Variants in PSME3IP1 observed in about 807,000 individuals in gnomAD.
PSME3IP1 encodes the protein proteasome activator subunit 3 interacting protein 1, also known as PSME3-interacting protein.
Under a neutral mutation model 34.1 loss-of-function variants are expected in PSME3IP1, and 13 were observed. That is an observed-to-expected ratio of 0.38 (90% CI 0.25 to 0.61). PSME3IP1 has a LOEUF of 0.61. PSME3IP1 is among the 20% of genes least tolerant of loss of function. The probability of loss-of-function intolerance (pLI) is 0.60; values close to 1 mark genes in which losing one functional copy is unlikely to be tolerated. For missense variants in PSME3IP1, 237 were observed against 301.4 expected, an observed-to-expected ratio of 0.79 and a Z score of 1.58; for synonymous variants, 93 against 114.3, an observed-to-expected ratio of 0.81 and a Z score of 1.19.
At chr16:57,178,385 T>G (rs536825239) in intron 1 of PSME3IP1, 1 of 205,430 alleles carries the variant, frequency 4.9e-6, no homozygotes, top group Non-Finnish European at 8.6e-6. Context: ...ATAACTCTAC[T>G]ACAGCCCTTA....
At chr16:57,165,977 G>A (rs1331984976) in intron 5 of PSME3IP1, among the ~76,000 whole-genome samples, 17 of 151,904 alleles carry the variant, frequency 1.1e-4, no homozygotes, top group East Asian at 3.9e-4. Context: ...CAAATCCTGC[G>A]AGTCCCTAGT....
At chr16:57,177,689 A>G (rs1227033105) in intron 1 of PSME3IP1, among the ~76,000 whole-genome samples, 1 of 152,170 alleles carries the variant, frequency 6.6e-6, no homozygotes, top group Non-Finnish European at 1.5e-5. Flanking sequence ...ACTAATGCAC[A>G]CTTACAAAAG....
In PSME3IP1 at chr16:57,154,068, G is replaced by A. The variant is rs1336295171; in HGVS notation, c.*222C>T. The stretch of plus-strand genomic sequence containing the variant: ...CAATATCAGTGAGGAAAGTGGCAGC[G>A]GGACAGGTTTGGTCATCTGCAGTGG... On this transcript the variant is annotated 3_prime_UTR_variant, in exon 7 of 7. Coordinates refer to ENST00000309137, the MANE Select transcript of PSME3IP1 (RefSeq NM_024946.4). This position sits in a 1 kb window ranked among gnomAD's most constrained non-coding sequence, Gnocchi z 4.0. 1.0e-5 allele frequency: 5 copies of A among 499,588 alleles called. No individual in the cohort carries two copies. Among genetic ancestry groups the A allele is most frequent in the African/African-American group, 2.0e-5 (1 of 50,758 alleles). The allele number at this position is 499,588 out of a possible 1,614,324, so 30.9% of individuals were successfully genotyped here.
chr16:57,177,541 A>C (rs2073302509), intron 1 of PSME3IP1, among the ~76,000 whole-genome samples: 1 of 152,078 alleles, frequency 6.6e-6, no homozygotes, highest in Non-Finnish European at 1.5e-5. Context: ...TGGTTAATGA[A>C]AATAAGAAAT....
intron 6 of PSME3IP1, among the ~76,000 whole-genome samples, chr16:57,163,384 C>A (rs1399521164): frequency 6.6e-6 from 1 of 151,876 alleles, no homozygotes; most frequent in Admixed American, 6.6e-5. Context: ...TAATGTAAGC[C>A]CTGTTGATCG....
At chr16:57,172,752 A>C in intron 3 of PSME3IP1, 24 bp downstream of exon 3, 1 of 1,539,218 alleles carries the variant, frequency 6.5e-7, no homozygotes, top group Non-Finnish European at 9.0e-7. Flanking sequence ...GAGCCCCTTG[A>C]ACTCTCTGTT....
intron 1 of PSME3IP1, among the ~76,000 whole-genome samples, chr16:57,176,307 C>T (rs1249932872): frequency 2.0e-5 from 3 of 152,200 alleles, no homozygotes; most frequent in Non-Finnish European, 4.4e-5. Context: ...CTGTATTAAT[C>T]ATCTGGTTTC....
chr16:57,177,508 C>T (rs1443390628), intron 1 of PSME3IP1, among the ~76,000 whole-genome samples: 3 of 151,784 alleles, frequency 2.0e-5, no homozygotes, highest in Non-Finnish European at 4.4e-5. Flanking sequence ...CTTTTATACA[C>T]AGGGACAAAA....
intron 1 of PSME3IP1, among the ~76,000 whole-genome samples, chr16:57,176,885 C>T (rs1483128147): frequency 3.3e-5 from 5 of 151,856 alleles, no homozygotes; most frequent in African/African-American, 9.7e-5. Context: ...GACAGAGTCT[C>T]GCTCTGCCGC....
intron 4 of PSME3IP1, among the ~76,000 whole-genome samples, 164 bp downstream of exon 4, chr16:57,172,087 C>A (rs1425261429): frequency 6.6e-6 from 1 of 152,178 alleles, no homozygotes; most frequent in Non-Finnish European, 1.5e-5. Context: ...ACAAACTCCA[C>A]AAACCACTAC....
rs1132814 is a variant in PSME3IP1, at chr16:57,185,949, T to G, written c.-144A>C. On this transcript the variant is annotated 5_prime_UTR_variant, in exon 1 of 7. Transcript: ENST00000309137. Reference sequence around the variant, plus strand: ...AGAAAGAAAGAAACAGAGGAAGGAATGAATGAAAGAAAGAAAAAAAAAAAG... The same window carrying G: ...AGAAAGAAAGAAACAGAGGAAGGAAGGAATGAAAGAAAGAAAAAAAAAAAG... The G allele has an allele frequency of 0.95, 932,270 of 984,666 alleles. 441,376 individuals carry two copies. Among genetic ancestry groups the G allele is most frequent in the East Asian group, 0.98 (8,638 of 8,794 alleles). The allele number at this position is 984,666 out of a possible 1,614,324, so 61.0% of individuals were successfully genotyped here. A position where few individuals can be genotyped will look rare whatever the true frequency, so the allele number is the denominator to read the frequency against.
At chr16:57,165,050 AGAAAAG>A (rs2071700067) in intron 5 of PSME3IP1, among the ~76,000 whole-genome samples, 1 of 139,484 alleles carries the variant, frequency 7.2e-6, no homozygotes, top group Non-Finnish European at 1.6e-5. Context: ...AAAAAGAAAA[AGAAAAG>A]AAAAAGAAAA....
At chr16:57,181,044 C>A (rs988510914) in intron 1 of PSME3IP1, among the ~76,000 whole-genome samples, 3 of 150,634 alleles carry the variant, frequency 2.0e-5, no homozygotes, top group Non-Finnish European at 4.4e-5. Flanking sequence ...CCTTGCCTGG[C>A]GAGGGGGAAA....
In PSME3IP1 at chr16:57,154,201, GTT is replaced by G; in HGVS notation, c.*87_*88del. ...TTGTACACAGGATGCAGGCAAAGGA[GTT>G]TTTTTTTGAGGGACATAATGCCTAT... On this transcript the variant is annotated 3_prime_UTR_variant, in exon 7 of 7. Coordinates refer to ENST00000309137, the MANE Select transcript of PSME3IP1 (RefSeq NM_024946.4). The surrounding 1 kb of genome is among the most constrained non-coding windows in gnomAD (Gnocchi z 4.0). 1 of 1,104,200 alleles carries G rather than the reference GTT, an allele frequency of 9.1e-7. No homozygotes were observed. The highest frequency in any genetic ancestry group is 1.3e-6 in the Non-Finnish European group (1 of 757,244). The allele number at this position is 1,104,200 out of a possible 1,614,324, so 68.4% of individuals were successfully genotyped here.
chr16:57,170,205 C>T (rs2072401059), intron 4 of PSME3IP1, among the ~76,000 whole-genome samples: 2 of 151,990 alleles, frequency 1.3e-5, no homozygotes, highest in Admixed American at 1.3e-4. Context: ...GCCTCAGCCT[C>T]CTGAGTAGTT....
intron 4 of PSME3IP1, among the ~76,000 whole-genome samples, chr16:57,171,171 G>T (rs1428634474): frequency 6.6e-6 from 1 of 152,188 alleles, no homozygotes; most frequent in African/African-American, 2.4e-5. Context: ...GCTGTGAAAT[G>T]CATCTTGCAA....
chr16:57,168,148 C>T (rs1280337663), intron 4 of PSME3IP1, among the ~76,000 whole-genome samples: 1 of 152,170 alleles, frequency 6.6e-6, no homozygotes, highest in Non-Finnish European at 1.5e-5. Context: ...AGTGCAAGTC[C>T]TTATTTAAGA....
At chr16:57,174,588 T>C (rs1597726462) in intron 1 of PSME3IP1, 2 of 985,478 alleles carry the variant, frequency 2.0e-6, no homozygotes, top group African/African-American at 1.7e-5. Flanking sequence ...TTGAAATTCC[T>C]GTTTCTGAGA....
intron 1 of PSME3IP1, chr16:57,175,623 T>C (rs554090835): frequency 4.6e-5 from 7 of 152,330 alleles, no homozygotes; most frequent in African/African-American, 1.7e-4. Context: ...ACAGATGAAG[T>C]TGAGGTCCAG....
Sources: gnomAD v4.1 joint callset for allele counts (sites outside exome capture counted in the v4.1 genomes callset) on GRCh38, gnomAD v4.1.1 for gene constraint, Gnocchi (gnomAD v3.1) non-coding constraint, MANE v1.5 for transcripts, NCBI Gene and HGNC (gene_info 2026-07-23, HGNC 2026-07-21) for gene names.